Variants in SLC6A12 observed in about 807,000 individuals in gnomAD.
SLC6A12 encodes the protein sodium- and chloride-dependent betaine transporter.
A neutral mutation model predicts 73.3 loss-of-function variants in SLC6A12; 50 were observed. The ratio of observed to expected loss-of-function variants is 0.68; its 90% CI spans 0.54 to 0.86. SLC6A12 has a LOEUF of 0.86. SLC6A12 is among the 40% of genes least tolerant of loss of function. The probability of loss-of-function intolerance (pLI) is 0.00; values close to 1 mark genes in which losing one functional copy is unlikely to be tolerated. For synonymous variants in SLC6A12, 304 were observed against 309.2 expected (o/e 0.98, Z 0.18); for missense variants, 648 against 772.8 (o/e 0.84, Z 1.92).
downstream of SLC6A12, among the ~76,000 whole-genome samples, chr12:187,593 A>AG (rs1366696643): frequency 7.1e-4 from 3 of 4,218 alleles, no homozygotes; most frequent in Non-Finnish European, 2.5e-3. Context: ...AAAGAGCAAA[A>AG]AAAAAAAAAA....
intron 3 of SLC6A12, among the ~76,000 whole-genome samples, chr12:207,835 T>C (rs974287584): frequency 6.6e-6 from 1 of 152,104 alleles, no homozygotes; most frequent in Non-Finnish European, 1.5e-5. Context: ...GGCCCCCTCA[T>C]GTTAAAGATG....
In SLC6A12 at chr12:190,250, C is replaced by T. The variant is rs1939535255; in HGVS notation, c.*818G>A. 1 of 152,158 alleles carries T rather than the reference C, an allele frequency of 6.6e-6. No homozygotes were observed. Among genetic ancestry groups the T allele is most frequent in the African/African-American group, 2.4e-5 (1 of 41,394 alleles). The allele number at this position is 152,158 out of a possible 1,614,324, so 9.4% of individuals were successfully genotyped here. On this transcript the variant is annotated 3_prime_UTR_variant, in exon 16 of 16. Transcript: ENST00000684302. ...CTCTTTGGTCTCCAGGTTCCTCATC[C>T]ATGAAGTCAGGGGTTTGCGTTAGAA...
At chr12:189,287 G>T (rs1014634901), downstream of SLC6A12, among the ~76,000 whole-genome samples, 1 of 152,198 alleles carries the variant, frequency 6.6e-6, no homozygotes, top group Non-Finnish European at 1.5e-5. Flanking sequence ...GCCGCAGACA[G>T]CGCTGCGCCG....
chr12:200,805 G>C (rs752782554), intron 6 of SLC6A12, 22 bp from the exon 7 acceptor site: 3 of 1,610,704 alleles, frequency 1.9e-6, no homozygotes, highest in Non-Finnish European at 2.5e-6. Context: ...GGAAAAATAA[G>C]TAATGAGGGG....
At chr12:187,835 C>T (rs1939463922), downstream of SLC6A12, among the ~76,000 whole-genome samples, 1 of 152,046 alleles carries the variant, frequency 6.6e-6, no homozygotes, top group Non-Finnish European at 1.5e-5. Flanking sequence ...TTTACAACGC[C>T]TGAGCTAGAC....
downstream of SLC6A12, among the ~76,000 whole-genome samples, chr12:186,844 T>C (rs1001219083): frequency 3.3e-5 from 5 of 152,154 alleles, no homozygotes; most frequent in African/African-American, 1.2e-4. Flanking sequence ...AATAGCATCA[T>C]AGGGTGTGAG....
chr12:200,033 A>T (rs1940126171), intron 7 of SLC6A12, among the ~76,000 whole-genome samples: 1 of 152,018 alleles, frequency 6.6e-6, no homozygotes, highest in African/African-American at 2.4e-5. Context: ...AACAGAGATT[A>T]GCAGTGCCAA....
At chr12:208,019 C>T (rs987123578) in intron 3 of SLC6A12, among the ~76,000 whole-genome samples, 9 of 152,256 alleles carry the variant, frequency 5.9e-5, no homozygotes, top group Admixed American at 4.6e-4. Context: ...GGTGGGCGCC[C>T]GACACCGCGG....
Position 204,577 on chromosome 12 carries a change from G to C in SLC6A12, c.336C>G (p.Cys112Trp). The part of the protein sequence containing the change: ...QGSVTAWRKI[C>W]PLFQGIGLAS... ...GAGGATACATACCCTGGAAGAGGGG[G>C]CAGATCTTCCTCCAGGCTGTGACAC... Residue 112 changes from cysteine (C) to tryptophan (W), a missense_variant, in exon 4 of 16, where the codon TGC (cysteine) becomes TGG (tryptophan). By Grantham distance (215) the Cys-to-Trp change is radical (BLOSUM62 -2). Coordinates refer to ENST00000684302, the MANE Select transcript of SLC6A12 (RefSeq NM_001122848.3). 1 of 1,614,138 alleles carries C rather than the reference G, an allele frequency of 6.2e-7. No homozygotes were observed. The highest frequency in any genetic ancestry group is 1.1e-5 in the South Asian group (1 of 91,086).
Position 193,369 on chromosome 12 carries a change from G to T in SLC6A12, c.1438C>A (p.Arg480Ser). ...VCISWVYGAD[R>S]FYDNIEDMIG... ...ATGTCCTCAATGTTGTCATAGAAAC[G>T]GTCCGCCCCTGAGCAGGCATGGCGT... The change falls in exon 14 of 16, where the codon CGT becomes AGT. Residue 480 changes from arginine (R) to serine (S), a missense_variant. Transcript: ENST00000684302. The T allele has an allele frequency of 6.2e-7, 1 of 1,613,398 alleles. No homozygotes were observed. Among genetic ancestry groups the T allele is most frequent in the Non-Finnish European group, 8.5e-7 (1 of 1,179,488 alleles).
In SLC6A12 at chr12:197,889, G is replaced by T; in HGVS notation, c.950+11C>A. On this transcript the variant is annotated intron_variant, in intron 9 of 15. Coordinates refer to ENST00000684302, the MANE Select transcript of SLC6A12 (RefSeq NM_001122848.3). ...CCTCCTTCACCCCACCCCGGCCCAC[G>T]CTGTTCTCACTTGTAGCAGTTGTTG... is the stretch of plus-strand genomic sequence containing the variant. 5 of 749,882 alleles carry T rather than the reference G, an allele frequency of 6.7e-6. No individual in the cohort carries two copies. Among genetic ancestry groups the T allele is most frequent in the Non-Finnish European group, 1.1e-5 (5 of 474,032 alleles). 46.5% of individuals were successfully genotyped at this position (749,882 alleles called of 1,614,324 possible).
rs1939544965 is a variant in SLC6A12, at chr12:190,482, G to C, written c.*586C>G. The C allele has an allele frequency of 6.6e-6, 1 of 152,216 alleles. No individual in the cohort carries two copies. The highest frequency in any genetic ancestry group is 6.5e-5 in the Admixed American group (1 of 15,290). 9.4% of individuals were successfully genotyped at this position (152,216 alleles called of 1,614,324 possible). A position where few individuals can be genotyped will look rare whatever the true frequency, so the allele number is the denominator to read the frequency against. On this transcript the variant is annotated 3_prime_UTR_variant, in exon 16 of 16. Coordinates refer to ENST00000684302, the MANE Select transcript of SLC6A12 (RefSeq NM_001122848.3). ...GTTGATGAAACACTGCAAGAACAGT[G>C]CGGAACTAGGGCAGGAGCTGGAGAT...
At chr12:195,808 C>T (rs1018990153) in intron 12 of SLC6A12, among the ~76,000 whole-genome samples, 4 of 152,140 alleles carry the variant, frequency 2.6e-5, no homozygotes, top group African/African-American at 7.2e-5. Context: ...CACAGGAGAC[C>T]GAGGAGCCTT....
chr12:189,832 C>T (rs918939934), downstream of SLC6A12, among the ~76,000 whole-genome samples: 4 of 116,160 alleles, frequency 3.4e-5, no homozygotes, highest in African/African-American at 1.7e-4. Flanking sequence ...GGCACCCCCA[C>T]ACCCGCCCCC....
chr12:196,695 G>T (rs1368576458), intron 11 of SLC6A12, 75 bp downstream of exon 11: 9 of 1,040,128 alleles, frequency 8.7e-6, no homozygotes, highest in Middle Eastern at 2.0e-4. Context: ...GGAGTGAGGG[G>T]AAAGTAGTCC....
downstream of SLC6A12, among the ~76,000 whole-genome samples, chr12:186,071 G>C (rs481219): frequency 0.13 from 20,056 of 152,078 alleles, 3,460 homozygotes; most frequent in African/African-American, 0.4. Flanking sequence ...AGGGTCAGGG[G>C]AGGGCTCTGG....
At position 204,650 on chromosome 12, in the gene SLC6A12, G is replaced by A. The variant is rs761222307; in HGVS notation, c.263C>T (p.Pro88Leu). The A allele has an allele frequency of 1.2e-5, 20 of 1,614,060 alleles. No homozygotes were observed. The highest frequency in any genetic ancestry group is 3.3e-5 in the Admixed American group (2 of 60,004). The change falls in exon 4 of 16, where the codon CCG becomes CTG. Residue 88 changes from proline (P) to leucine (L), a missense_variant. Pro to Leu is a moderately conservative substitution (Grantham distance 98). Coordinates refer to ENST00000684302, the MANE Select transcript of SLC6A12 (RefSeq NM_001122848.3). Reference protein sequence around the residue: ...YFIFFFVCGIPVFFLEVALGQ... With the variant: ...YFIFFFVCGILVFFLEVALGQ... ...CAACGCCACCTCCAGGAAGAACACCGGGATGCCGCAGACAAAGAAGAAGAT... is the reference window on the plus strand; with the variant it reads ...CAACGCCACCTCCAGGAAGAACACCAGGATGCCGCAGACAAAGAAGAAGAT...
intron 13 of SLC6A12, among the ~76,000 whole-genome samples, chr12:194,397 C>T (rs1035654549): frequency 1.3e-5 from 2 of 152,234 alleles, no homozygotes; most frequent in African/African-American, 4.8e-5. Flanking sequence ...GTGTGGCACC[C>T]ACTGGCCCTC....
chr12:184,930 C>CAAA, the SLC6A12 span, among the ~76,000 whole-genome samples: 22 of 135,086 alleles, frequency 1.6e-4, no homozygotes, highest in Middle Eastern at 0.012. Context: ...GAAACTGTCT[C>CAAA]AAAAAAAAAA....
Sources: gnomAD v4.1 joint callset for allele counts (sites outside exome capture counted in the v4.1 genomes callset) on GRCh38, gnomAD v4.1.1 for gene constraint, MANE v1.5 for transcripts, NCBI Gene and HGNC (gene_info 2026-07-23, HGNC 2026-07-21) for gene names.